IGF1R: variants seen among roughly 807,000 people sequenced by gnomAD.
IGF1R encodes the protein insulin like growth factor 1 receptor, also known as insulin-like growth factor 1 receptor.
IGF1R carries 44 observed loss-of-function variants against 144.6 expected under a neutral mutation model. The observed-to-expected ratio is 0.30, with a 90% CI of 0.24 to 0.39. The LOEUF (loss-of-function observed/expected upper bound fraction) is 0.39, where lower values mean the gene tolerates loss of function less well. IGF1R is among the 10% of genes least tolerant of loss of function. The probability of loss-of-function intolerance (pLI) is 1.00; values close to 1 mark genes in which losing one functional copy is unlikely to be tolerated. For synonymous variants in IGF1R, 795 were observed against 722.8 expected (o/e 1.10, Z -1.60); for missense variants, 1,355 against 1,833.7 (o/e 0.74, Z 4.77).
At chr15:98,921,849 C>A (rs1393039439) in intron 10 of IGF1R, among the ~76,000 whole-genome samples, 1 of 152,122 alleles carries the variant, frequency 6.6e-6, no homozygotes, top group Admixed American at 6.5e-5. Context: ...GATGACACAG[C>A]CAGGACTGCC....
At chr15:98,797,704 A>G (rs753328408) in intron 2 of IGF1R, among the ~76,000 whole-genome samples, 1 of 152,226 alleles carries the variant, frequency 6.6e-6, no homozygotes, top group African/African-American at 2.4e-5. Context: ...CATTTATTCA[A>G]CAAATACGGA....
chr15:98,718,138 ATGT>A (rs1256662056), intron 2 of IGF1R, among the ~76,000 whole-genome samples: 2 of 152,010 alleles, frequency 1.3e-5, no homozygotes, highest in Admixed American at 6.6e-5. Context: ...GGGTGGGAAA[ATGT>A]TGTGCAGGAA....
intron 2 of IGF1R, among the ~76,000 whole-genome samples, chr15:98,786,378 T>TC (rs1372884024): frequency 1.6e-4 from 1 of 6,442 alleles, no homozygotes; most frequent in Admixed American, 6.0e-3. Flanking sequence ...AGGGAGTTAA[T>TC]TTTTTTTTTT....
chr15:98,948,572 A>G lies in IGF1R; in HGVS notation c.3588-2A>G. The G allele has an allele frequency of 6.2e-7, 1 of 1,613,888 alleles. No homozygotes were observed. ...CTCCTCACAGTTTTTTTCTCCCTGT[A>G]GGTCCTTCGGGGTCGTCCTCTGGGA... On this transcript the variant is annotated splice_acceptor_variant, in intron 19 of 20. Coordinates refer to ENST00000650285, the MANE Select transcript of IGF1R (RefSeq NM_000875.5). LOFTEE classifies it high-confidence loss of function.
chr15:98,659,811 C>G (rs749305300), intron 1 of IGF1R, among the ~76,000 whole-genome samples: 2 of 152,032 alleles, frequency 1.3e-5, no homozygotes, highest in Non-Finnish European at 2.9e-5. Context: ...CAAGATTTAC[C>G]TTCCATTGCT....
In IGF1R at chr15:98,935,290, GTCTT is replaced by G; in HGVS notation, c.3187-22_3187-19del. ...CAGCAAGGGCCACCTGACCCTCTGAGTCTTTCTCTTTTTGATTCCTCCCAGGTGC... is the reference window on the plus strand; with the variant it reads ...CAGCAAGGGCCACCTGACCCTCTGAGTCTCTTTTTGATTCCTCCCAGGTGC... On this transcript the variant is annotated intron_variant, in intron 16 of 20. Coordinates refer to ENST00000650285, the MANE Select transcript of IGF1R (RefSeq NM_000875.5). The surrounding 1 kb of genome is among the most constrained non-coding windows in gnomAD (Gnocchi z 4.2). The G allele has an allele frequency of 4.8e-6, 7 of 1,471,354 alleles. No homozygotes were observed. Among genetic ancestry groups the G allele is most frequent in the Non-Finnish European group, 6.5e-6 (7 of 1,075,344 alleles). The allele number at this position is 1,471,354 out of a possible 1,614,324, so 91.1% of individuals were successfully genotyped here.
chr15:98,789,805 C>G (rs1472584479), intron 2 of IGF1R, among the ~76,000 whole-genome samples: 1 of 152,076 alleles, frequency 6.6e-6, no homozygotes, highest in East Asian at 1.9e-4. Context: ...TGGGAGGGTC[C>G]TCAGCTTTGG....
chr15:98,923,580 C>CT (rs977962829), intron 11 of IGF1R, among the ~76,000 whole-genome samples: 2 of 152,182 alleles, frequency 1.3e-5, no homozygotes, highest in African/African-American at 2.4e-5. Context: ...TGGCAGCAGG[C>CT]TTTTTTTGTT....
Position 98,958,632 on chromosome 15 carries a change from A to G in IGF1R, c.*1190A>G. The G allele has an allele frequency of 4.3e-6, 1 of 232,430 alleles. No homozygotes were observed. Among genetic ancestry groups the G allele is most frequent in the Non-Finnish European group, 8.5e-6 (1 of 117,264 alleles). 14.4% of individuals were successfully genotyped at this position (232,430 alleles called of 1,614,324 possible). ...ATGTTAGACCATGAAACATTTGCAT[A>G]CACATCGTCTTTAATGTCACTTTTA... On this transcript the variant is annotated 3_prime_UTR_variant, in exon 21 of 21. Coordinates refer to ENST00000650285, the MANE Select transcript of IGF1R (RefSeq NM_000875.5).
intron 1 of IGF1R, among the ~76,000 whole-genome samples, chr15:98,687,719 G>A (rs2053365480): frequency 6.6e-6 from 1 of 152,206 alleles, no homozygotes; most frequent in Non-Finnish European, 1.5e-5. Context: ...CCACGACTTG[G>A]CATAGAAGCC....
In IGF1R at chr15:98,957,579, G is replaced by A. The variant is rs549027440; in HGVS notation, c.*137G>A. The A allele has an allele frequency of 1.2e-4, 129 of 1,059,078 alleles. No homozygotes were observed. Among genetic ancestry groups the A allele is most frequent in the African/African-American group, 1.1e-3 (71 of 64,332 alleles). The allele number at this position is 1,059,078 out of a possible 1,614,324, so 65.6% of individuals were successfully genotyped here. Reference sequence around the variant, plus strand: ...CTTCAGAACTGCCCTTGCTGCCCGCGGGAGACAGCTTCTCTGCAGTAAAAC... The same window carrying A: ...CTTCAGAACTGCCCTTGCTGCCCGCAGGAGACAGCTTCTCTGCAGTAAAAC... On this transcript the variant is annotated 3_prime_UTR_variant, in exon 21 of 21. Transcript: ENST00000650285.
chr15:98,684,678 G>C (rs2053279118), intron 1 of IGF1R, among the ~76,000 whole-genome samples: 1 of 152,098 alleles, frequency 6.6e-6, no homozygotes, highest in African/African-American at 2.4e-5. Context: ...AGCAAAATTT[G>C]GCCACTGGGT....
chr15:98,899,731 A>G, intron 5 of IGF1R, 110 bp downstream of exon 5: 1 of 1,108,578 alleles, frequency 9.0e-7, no homozygotes. Flanking sequence ...AAGAGAAGAA[A>G]GGAGGAAGCC....
chr15:98,875,335 T>A (rs1291381729), intron 2 of IGF1R, among the ~76,000 whole-genome samples: 2 of 137,956 alleles, frequency 1.4e-5, no homozygotes, highest in Non-Finnish European at 3.1e-5. Flanking sequence ...TCTTTCTTTC[T>A]TTTCTTTTCT....
At chr15:98,922,977 G>T (rs2015554431) in intron 11 of IGF1R, among the ~76,000 whole-genome samples, 4 of 152,206 alleles carry the variant, frequency 2.6e-5, no homozygotes, top group Admixed American at 2.0e-4. Flanking sequence ...GAGCTGCCCT[G>T]TCCTTTAGTA....
intron 18 of IGF1R, among the ~76,000 whole-genome samples, chr15:98,942,288 A>T (rs750435407): frequency 6.6e-6 from 1 of 152,112 alleles, no homozygotes; most frequent in Non-Finnish European, 1.5e-5. Context: ...GCAGTACTAT[A>T]TATTTTCTTA....
At chr15:98,843,352 G>A (rs1324084714) in intron 2 of IGF1R, among the ~76,000 whole-genome samples, 2 of 152,108 alleles carry the variant, frequency 1.3e-5, no homozygotes, top group Non-Finnish European at 2.9e-5. Context: ...ACGGATTAGA[G>A]CTGTCAACTG....
At chr15:98,655,400 C>CT (rs1324687874) in intron 1 of IGF1R, among the ~76,000 whole-genome samples, 3 of 152,074 alleles carry the variant, frequency 2.0e-5, no homozygotes, top group Admixed American at 1.3e-4. Context: ...ATTTCTCTCC[C>CT]TTTTTTTCCA....
chr15:98,679,673 T>C (rs1199132862), intron 1 of IGF1R, among the ~76,000 whole-genome samples: 1 of 140,090 alleles, frequency 7.1e-6, no homozygotes, highest in African/African-American at 2.9e-5. Context: ...ATGTATTTAC[T>C]ATGCTGTACT....
Sources: allele counts gnomAD v4.1 joint callset (sites outside exome capture counted in the v4.1 genomes callset), GRCh38; gene constraint gnomAD v4.1.1; non-coding constraint Gnocchi (gnomAD v3.1); transcripts MANE v1.5; gene names NCBI Gene and HGNC (gene_info 2026-07-23, HGNC 2026-07-21).